Variants in PDE10A observed in about 807,000 individuals in gnomAD.
PDE10A encodes cAMP and cAMP-inhibited cGMP 3',5'-cyclic phosphodiesterase 10A.
In PDE10A, 39 loss-of-function variants were observed where a neutral mutation model predicts 97.7. The ratio of observed to expected loss-of-function variants is 0.40; its 90% CI spans 0.31 to 0.52. The LOEUF is 0.52. Among genes scored for constraint, PDE10A ranks in the 20% least tolerant of loss-of-function variants. The pLI is 0.56. For synonymous variants in PDE10A, 371 were observed against 376.8 expected, an observed-to-expected ratio of 0.98 and a Z score of 0.18; for missense variants, 731 against 1,047.8, an observed-to-expected ratio of 0.70 and a Z score of 4.17.
intron 3 of PDE10A, among the ~76,000 whole-genome samples, chr6:165,471,750 G>C (rs1779023734): frequency 6.6e-6 from 1 of 151,914 alleles, no homozygotes; most frequent in East Asian, 1.9e-4. Context: ...TCAAACCCAA[G>C]CATTTTCCCC....
At position 165,388,302 on chromosome 6, in the gene PDE10A, A is replaced by T; in HGVS notation, c.2606T>A (p.Leu869His). 6 of 1,613,922 alleles carry T rather than the reference A, an allele frequency of 3.7e-6. No individual in the cohort carries two copies. Among genetic ancestry groups the T allele is most frequent in the Non-Finnish European group, 5.1e-6 (6 of 1,179,890 alleles). Residue 869 changes from leucine to histidine, a missense_variant, in exon 17 of 22, where the codon CTC (leucine) becomes CAC (histidine). Physicochemically the swap from Leu to His is moderately conservative, Grantham distance 99 (BLOSUM62 -3). Coordinates refer to ENST00000539869, the MANE Select transcript of PDE10A (RefSeq NM_001385079.1). The surrounding 1 kb of genome is among the most constrained non-coding windows in gnomAD (Gnocchi z 4.0). The part of the protein sequence containing the change: ...QHHFSQTVSI[L>H]QLEGHNIFST... ...AGACGGCGTGCAGTGACTCACCTGG[A>T]GGATGGACACAGTCTGGGAGAAGTG...
intron 1 of PDE10A, among the ~76,000 whole-genome samples, chr6:165,944,377 T>C (rs543226764): frequency 1.3e-5 from 2 of 152,348 alleles, no homozygotes; most frequent in Admixed American, 6.5e-5. Context: ...CTTTTTCTCT[T>C]GGGAACTCTT....
intron 19 of PDE10A, among the ~76,000 whole-genome samples, chr6:165,341,758 C>T (rs1028574166): frequency 9.9e-5 from 15 of 152,236 alleles, no homozygotes; most frequent in African/African-American, 3.4e-4. Context: ...TGTATAGGTG[C>T]TATGGTGTTA....
chr6:165,894,400 G>A (rs1781885445), intron 1 of PDE10A: 1 of 455,984 alleles, frequency 2.2e-6, no homozygotes, highest in Non-Finnish European at 4.4e-6. Flanking sequence ...GAAACCACAA[G>A]ATGAAATTAA....
At chr6:165,497,018 C>T (rs1583408503) in intron 2 of PDE10A, among the ~76,000 whole-genome samples, 2 of 152,150 alleles carry the variant, frequency 1.3e-5, no homozygotes, top group East Asian at 3.9e-4. Context: ...CCAATGACAA[C>T]ACGTGAAATA....
At chr6:165,334,297 G>A (rs542156938) in intron 21 of PDE10A, among the ~76,000 whole-genome samples, 7 of 146,240 alleles carry the variant, frequency 4.8e-5, no homozygotes, top group South Asian at 2.2e-4. Context: ...CCGGGCACGC[G>A]CCTCCATAGC....
At chr6:165,904,881 T>C (rs1321599459) in intron 1 of PDE10A, among the ~76,000 whole-genome samples, 1 of 152,186 alleles carries the variant, frequency 6.6e-6, no homozygotes, top group Non-Finnish European at 1.5e-5. Context: ...TTCAAAGACT[T>C]TCACTGAACA....
intron 1 of PDE10A, among the ~76,000 whole-genome samples, chr6:165,893,811 C>A (rs1382336674): frequency 6.8e-6 from 1 of 147,668 alleles, no homozygotes; most frequent in Admixed American, 6.8e-5. Flanking sequence ...TGAATCGCAA[C>A]AACATTAGTG....
chr6:165,633,191 T>C (rs556637919), intron 1 of PDE10A, among the ~76,000 whole-genome samples: 1 of 152,318 alleles, frequency 6.6e-6, no homozygotes, highest in South Asian at 2.1e-4. Context: ...CTATAAGATG[T>C]AGACTGACTT....
At chr6:165,616,011 C>T (rs546905465) in intron 1 of PDE10A, among the ~76,000 whole-genome samples, 35 of 152,300 alleles carry the variant, frequency 2.3e-4, no homozygotes, top group African/African-American at 8.2e-4. Flanking sequence ...TTTGAATTTT[C>T]TTCTTTCAGT....
At chr6:165,894,489 T>C in intron 1 of PDE10A, 1 of 456,062 alleles carries the variant, frequency 2.2e-6, no homozygotes, top group Non-Finnish European at 4.4e-6. Context: ...AACCTAGATT[T>C]ATAGCCCTTC....
chr6:165,349,150 C>T (rs2128185140), intron 18 of PDE10A, among the ~76,000 whole-genome samples: 1 of 152,282 alleles, frequency 6.6e-6, no homozygotes, highest in South Asian at 2.1e-4. Context: ...GTTTGGATGG[C>T]TCAGAAGGCA....
rs1220853070 is a variant in PDE10A at position 165,333,081 on chromosome 6, C to T, written c.3112G>A (p.Ala1038Thr). ...WEKVIRGEETATWISSPSVAQ... is the reference protein window; with the variant it reads ...WEKVIRGEETTTWISSPSVAQ... ...ACGGATGGGGATGAAATCCAGGTTG[C>T]AGTCTCCTCCCCTCGAATCACCTTC... Residue 1038 changes from alanine (A) to threonine (T), a missense_variant, in exon 22 of 22, where the codon GCA becomes ACA. Ala to Thr is a moderately conservative substitution (Grantham distance 58). Around this residue, in one of 8 missense-constraint regions of PDE10A, gnomAD observed 34 missense variants for 29.7 expected, o/e 1.14. Transcript: ENST00000539869. 1.9e-6 allele frequency: 3 copies of T among 1,613,052 alleles called. No individual in the cohort carries two copies. Among genetic ancestry groups the T allele is most frequent in the African/African-American group, 1.3e-5 (1 of 75,002 alleles).
chr6:165,449,359 G>A (rs763958185), intron 4 of PDE10A, among the ~76,000 whole-genome samples: 1 of 152,080 alleles, frequency 6.6e-6, no homozygotes, highest in Admixed American at 6.6e-5. Flanking sequence ...ACCAAAGTAA[G>A]TATCAACCCA....
intron 2 of PDE10A, among the ~76,000 whole-genome samples, chr6:165,482,782 T>C (rs897578709): frequency 6.6e-6 from 1 of 152,162 alleles, no homozygotes; most frequent in African/African-American, 2.4e-5. Flanking sequence ...TCTGTTGAAA[T>C]AAGAAATGTA....
chr6:165,625,721 G>GC (rs202111106), intron 1 of PDE10A, among the ~76,000 whole-genome samples: 1,628 of 152,228 alleles, frequency 0.011, 37 homozygotes, highest in African/African-American at 0.037. Flanking sequence ...ATTCTCTCTT[G>GC]CTGCCATGTA....
chr6:165,715,993 C>T (rs928882294), intron 1 of PDE10A, among the ~76,000 whole-genome samples: 2 of 152,206 alleles, frequency 1.3e-5, no homozygotes, highest in African/African-American at 2.4e-5. Flanking sequence ...GAAGCCTCCC[C>T]TCCGGCTCCT....
At chr6:165,938,759 A>AGC (rs1554342728) in intron 1 of PDE10A, among the ~76,000 whole-genome samples, 2 of 149,904 alleles carry the variant, frequency 1.3e-5, no homozygotes, top group African/African-American at 4.9e-5. Flanking sequence ...AAAACAAAAC[A>AGC]ACACACACAC....
intron 21 of PDE10A, among the ~76,000 whole-genome samples, chr6:165,334,405 C>T (rs1333482338): frequency 6.6e-6 from 1 of 151,966 alleles, no homozygotes; most frequent in East Asian, 1.9e-4. Context: ...CTCCATAGCG[C>T]CCTACAGCGC....
Sources: allele counts gnomAD v4.1 joint callset (sites outside exome capture counted in the v4.1 genomes callset), GRCh38; gene constraint gnomAD v4.1.1; regional missense constraint gnomAD v4.1.1; non-coding constraint Gnocchi (gnomAD v3.1); transcripts MANE v1.5; gene names NCBI Gene and HGNC (gene_info 2026-07-23, HGNC 2026-07-21).